ARHGAP15: variants seen among roughly 807,000 people sequenced by gnomAD.
ARHGAP15 encodes the protein rho GTPase-activating protein 15.
ARHGAP15 carries 51 observed loss-of-function variants against 63.7 expected under a neutral mutation model. The observed-to-expected ratio is 0.80, with a 90% confidence interval of 0.64 to 1.01. The LOEUF is 1.01. Among genes scored for constraint, ARHGAP15 ranks in the 50% least tolerant of loss-of-function variants. The pLI is 0.00. For synonymous variants in ARHGAP15, 191 were observed against 193.8 expected (o/e 0.99, Z 0.12); for missense variants, 560 against 564.6 (o/e 0.99, Z 0.08).
At chr2:143,192,353 C>T (rs979157617) in intron 2 of ARHGAP15, among the ~76,000 whole-genome samples, 3 of 152,194 alleles carry the variant, frequency 2.0e-5, no homozygotes, top group Admixed American at 6.5e-5. Context: ...AAAGATCATG[C>T]CTACACATGG....
intron 13 of ARHGAP15, among the ~76,000 whole-genome samples, chr2:143,749,750 C>A (rs778165203): frequency 2.5e-4 from 38 of 152,092 alleles, no homozygotes; most frequent in Non-Finnish European, 1.3e-4. Flanking sequence ...TCCCTTTTAT[C>A]TCTATTATTA....
chr2:143,538,434 G>C (rs1694881476), intron 10 of ARHGAP15, among the ~76,000 whole-genome samples: 2 of 152,176 alleles, frequency 1.3e-5, no homozygotes, highest in African/African-American at 4.8e-5. Flanking sequence ...GGAGTGGTGA[G>C]AGAGGGCATC....
Position 143,544,480 on chromosome 2 carries a change from T to A in ARHGAP15, c.926-11928T>A, listed in dbSNP as rs541692495. Among the ~76,000 whole-genome samples, 9 of 152,318 alleles carry A rather than the reference T, an allele frequency of 5.9e-5. No individual in the cohort carries two copies. In the South Asian group the frequency reaches 1.9e-3, roughly 32 times the overall value. ...AATATATATGTATATACTACACACA[T>A]GTGTATATATGTATATGTATATAAA... On this transcript the variant is annotated intron_variant, in intron 10 of 13. Transcript: ENST00000295095.
At chr2:143,759,221 C>T (rs1163900805) in intron 13 of ARHGAP15, among the ~76,000 whole-genome samples, 1 of 152,018 alleles carries the variant, frequency 6.6e-6, no homozygotes, top group African/African-American at 2.4e-5. Flanking sequence ...AATATTGCTC[C>T]TAAATGGGGA....
At chr2:143,284,313 C>A (rs111974453) in intron 6 of ARHGAP15, among the ~76,000 whole-genome samples, 1 of 152,156 alleles carries the variant, frequency 6.6e-6, no homozygotes, top group African/African-American at 2.4e-5. Flanking sequence ...GGCAGGCCTA[C>A]TTTTGCCAGA....
At chr2:143,476,675 G>C (rs1691831846) in intron 8 of ARHGAP15, among the ~76,000 whole-genome samples, 1 of 152,148 alleles carries the variant, frequency 6.6e-6, no homozygotes, top group African/African-American at 2.4e-5. Context: ...GCAAAGCTCT[G>C]TTAGTCCATG....
chr2:143,190,120 T>A (rs1691622118), intron 2 of ARHGAP15, among the ~76,000 whole-genome samples: 1 of 152,226 alleles, frequency 6.6e-6, no homozygotes, highest in Non-Finnish European at 1.5e-5. Context: ...ATATTGCACA[T>A]ATTATTCAAT....
At chr2:143,303,317 A>G (rs1304805158) in intron 6 of ARHGAP15, among the ~76,000 whole-genome samples, 2 of 152,012 alleles carry the variant, frequency 1.3e-5, no homozygotes, top group Non-Finnish European at 2.9e-5. Flanking sequence ...TACAAGAAAA[A>G]ACCAACCCCA....
At chr2:143,146,149 G>A (rs1203455432) in intron 1 of ARHGAP15, among the ~76,000 whole-genome samples, 2 of 151,728 alleles carry the variant, frequency 1.3e-5, no homozygotes, top group Non-Finnish European at 2.9e-5. Flanking sequence ...ATTAAAACAT[G>A]CCATTAAGAG....
At chr2:143,729,202 G>C (rs192792937) in intron 13 of ARHGAP15, among the ~76,000 whole-genome samples, 59 of 152,326 alleles carry the variant, frequency 3.9e-4, no homozygotes, top group Admixed American at 1.7e-3. Flanking sequence ...AAGCAAGAAA[G>C]CAAACACAGT....
chr2:143,268,131 T>C (rs1276618538), intron 6 of ARHGAP15, among the ~76,000 whole-genome samples: 1 of 151,998 alleles, frequency 6.6e-6, no homozygotes, highest in Non-Finnish European at 1.5e-5. Flanking sequence ...GCAATTCAAC[T>C]CTATGTATGT....
At chr2:143,406,242 T>C (rs1333167442) in intron 6 of ARHGAP15, among the ~76,000 whole-genome samples, 1 of 152,000 alleles carries the variant, frequency 6.6e-6, no homozygotes, top group African/African-American at 2.4e-5. Flanking sequence ...GCTAATGTTG[T>C]TCAATTTTAA....
chr2:143,197,161 C>T (rs1691913667), intron 2 of ARHGAP15, among the ~76,000 whole-genome samples: 1 of 151,882 alleles, frequency 6.6e-6, no homozygotes, highest in Non-Finnish European at 1.5e-5. Context: ...ATGAAATTCT[C>T]TCTGCAATAC....
At chr2:143,292,841 C>T (rs998234060) in intron 6 of ARHGAP15, among the ~76,000 whole-genome samples, 2 of 151,900 alleles carry the variant, frequency 1.3e-5, no homozygotes, top group Non-Finnish European at 2.9e-5. Flanking sequence ...CTAGGAAACA[C>T]AACTATAATT....
At chr2:143,712,036 TAA>T (rs1400346936) in intron 13 of ARHGAP15, among the ~76,000 whole-genome samples, 3 of 152,186 alleles carry the variant, frequency 2.0e-5, no homozygotes, top group Non-Finnish European at 4.4e-5. Context: ...ACAGTTTTTA[TAA>T]GAGTGAAGGA....
chr2:143,496,615 T>C (rs1692828223), intron 9 of ARHGAP15, among the ~76,000 whole-genome samples: 1 of 152,228 alleles, frequency 6.6e-6, no homozygotes, highest in South Asian at 2.1e-4. Context: ...CACTATACTT[T>C]ATGTGTTAGC....
chr2:143,354,497 G>T (rs1411906780), intron 6 of ARHGAP15, among the ~76,000 whole-genome samples: 2 of 152,004 alleles, frequency 1.3e-5, no homozygotes, highest in African/African-American at 4.8e-5. Context: ...GTTTAATGAG[G>T]TCTCCTCTGC....
At chr2:143,395,557 C>T (rs371394941) in intron 6 of ARHGAP15, among the ~76,000 whole-genome samples, 1 of 151,994 alleles carries the variant, frequency 6.6e-6, no homozygotes, top group East Asian at 1.9e-4. Context: ...AGCAAAGGAA[C>T]ATAATTAGTG....
chr2:143,151,973 C>T (rs114289130), intron 1 of ARHGAP15, among the ~76,000 whole-genome samples: 2,746 of 151,950 alleles, frequency 0.018, 46 homozygotes, highest in African/African-American at 0.042. Flanking sequence ...TCCTTCTGTC[C>T]GGCAGCAGGG....
Sources: gnomAD v4.1 joint callset for allele counts (sites outside exome capture counted in the v4.1 genomes callset) on GRCh38, gnomAD v4.1.1 for gene constraint, MANE v1.5 for transcripts, NCBI Gene and HGNC (gene_info 2026-07-23, HGNC 2026-07-21) for gene names.